The following RELT variants were observed in gnomAD, a reference collection of about 807,000 sequenced individuals.
RELT encodes the protein tumor necrosis factor receptor superfamily member 19L.
RELT carries 37 observed loss-of-function variants against 51.1 expected under a neutral mutation model. The observed-to-expected ratio is 0.72, with a 90% CI of 0.56 to 0.95. The LOEUF (loss-of-function observed/expected upper bound fraction) is 0.95, where lower values mean the gene tolerates loss of function less well. Ranked by LOEUF, RELT falls within the 40% of genes least tolerant of loss-of-function variation. The pLI, the probability that RELT is intolerant of heterozygous loss-of-function variation, is 0.00. For missense variants in RELT, 535 were observed against 572.6 expected (o/e 0.93, Z 0.67); for synonymous variants, 241 against 235.7 (o/e 1.02, Z -0.21).
At position 73,394,693 on chromosome 11, in the gene RELT, G is replaced by C. The variant is rs766188875; in HGVS notation, c.1005G>C (p.Lys335Asn). 6.2e-7 allele frequency: 1 copy of C among 1,613,034 alleles called. No homozygotes were observed. Among genetic ancestry groups the C allele is most frequent in the South Asian group, 1.1e-5 (1 of 91,084 alleles). Residue 335 changes from lysine to asparagine, a missense_variant, in exon 9 of 11, where the codon AAG (lysine) becomes AAC (asparagine). Transcript: ENST00000064780. This position sits in a 1 kb window ranked among gnomAD's most constrained non-coding sequence, Gnocchi z 4.9. Reference protein sequence around the residue: ...NPTRVPKAGAKAGRQGEITIL... With the variant: ...NPTRVPKAGANAGRQGEITIL... ...CCAGGGTTCCCAAGGCCGGGGCCAA[G>C]GCAGGGCGTCAGGGCGAGATCACCA...
At chr11:73,392,679 A>C in intron 6 of RELT, 1 of 1,430,164 alleles carries the variant, frequency 7.0e-7, no homozygotes, top group Middle Eastern at 2.6e-4. Context: ...ACAGCTGGTC[A>C]AGTGGCTTCA....
Position 73,395,491 on chromosome 11 carries a change from AGG to A in RELT, c.*3_*4del. On this transcript the variant is annotated 3_prime_UTR_variant, in exon 11 of 11. Transcript: ENST00000064780. Reference sequence around the variant, plus strand: ...TAAGTGAGAGCAACCTGGTCATCTGAGGGGCGGTCTAGTCTAAGGACACTGCG... The same window carrying A: ...TAAGTGAGAGCAACCTGGTCATCTGAGGCGGTCTAGTCTAAGGACACTGCG... 1 of 789,898 alleles carries A rather than the reference AGG, an allele frequency of 1.3e-6. No individual in the cohort carries two copies. The highest frequency in any genetic ancestry group is 1.3e-5 in the South Asian group (1 of 74,770). 48.9% of individuals were successfully genotyped at this position (789,898 alleles called of 1,614,324 possible).
intron 2 of RELT, 70 bp downstream of exon 2, chr11:73,389,251 G>T: frequency 9.1e-7 from 1 of 1,101,372 alleles, no homozygotes; most frequent in Non-Finnish European, 1.3e-6. Context: ...CAGCAAGAGG[G>T]TGCAGACACT....
At position 73,395,138 on chromosome 11, in the gene RELT, G is replaced by A. The variant is rs767408455; in HGVS notation, c.1098G>A (p.Glu366=). The A allele has an allele frequency of 1.2e-6, 2 of 1,613,692 alleles. No individual in the cohort carries two copies. Among genetic ancestry groups the A allele is most frequent in the South Asian group, 2.2e-5 (2 of 91,086 alleles). ...PEQRTSSMVS[E]VKTITEAGPS... is the part of the protein sequence containing the mutation. ...AGCGGACAAGTTCAATGGTGTCTGA[G>A]GTGAAGACCATCACGGAGGCTGGGC... is the stretch of plus-strand genomic sequence containing the variant. Residue 366 remains glutamate (E), a synonymous_variant, in exon 10 of 11, where the codon GAG becomes GAA. Transcript: ENST00000064780.
intron 1 of RELT, among the ~76,000 whole-genome samples, chr11:73,379,577 A>G (rs768610456): frequency 3.9e-5 from 6 of 152,360 alleles, no homozygotes; most frequent in Non-Finnish European, 7.3e-5. Context: ...TAGGACTCCT[A>G]GAACCTTCAC....
At chr11:73,391,942 T>C in intron 5 of RELT, 1 of 569,282 alleles carries the variant, frequency 1.8e-6, no homozygotes. Flanking sequence ...GTGTGCCATC[T>C]CTTCACCCCC....
chr11:73,382,423 T>C lies in RELT; in HGVS notation c.-26+5924T>C, dbSNP rs181678864. 3.5e-3 allele frequency among the ~76,000 whole-genome samples: 536 copies of C among 152,294 alleles called. 6 individuals are homozygous for C. Among genetic ancestry groups the C allele is most frequent in the African/African-American group, 0.012 (511 of 41,560 alleles). The stretch of plus-strand genomic sequence containing the variant: ...CGGGGCAGGTGGCAAAGGTGGCTTC[T>C]TGGAGGAGGTAGCAGAGCATGAGCC... On this transcript the variant is annotated intron_variant, in intron 1 of 10. Transcript: ENST00000064780.
In RELT at chr11:73,392,332, C is replaced by T. The variant is rs557044920; in HGVS notation, c.489C>T (p.Tyr163=). 6.6e-5 allele frequency: 107 copies of T among 1,613,720 alleles called. No individual in the cohort carries two copies. The South Asian group carries it at 1.0e-3, about 16-fold the overall frequency. The change falls in exon 6 of 11, where the codon TAC becomes TAT. Residue 163 remains tyrosine, a synonymous_variant. Coordinates refer to ENST00000064780, the MANE Select transcript of RELT (RefSeq NM_152222.2). The part of the protein sequence containing the change: ...AGGPEETAAQ[Y]AVIAIVPVFC... Reference sequence around the variant, plus strand: ...GCCCAGAGGAGACAGCCGCCCAGTACGCGGTCATCGCCATCGTCCCTGTCT... The same window carrying T: ...GCCCAGAGGAGACAGCCGCCCAGTATGCGGTCATCGCCATCGTCCCTGTCT...
chr11:73,391,840 C>T (rs931736609), intron 5 of RELT: 15 of 378,538 alleles, frequency 4.0e-5, no homozygotes, highest in South Asian at 9.4e-5. Flanking sequence ...CACCTCCTCC[C>T]GCCACTGAGT....
Position 73,394,096 on chromosome 11 carries a change from G to A in RELT, c.707-140G>A. ...ACACCTCTGCCTCCCATTCTTGCCT[G>A]ATGAAGTGGGAGGAAAAGGCGCACA... On this transcript the variant is annotated intron_variant, in intron 7 of 10. Coordinates refer to ENST00000064780, the MANE Select transcript of RELT (RefSeq NM_152222.2). This position sits in a 1 kb window ranked among gnomAD's most constrained non-coding sequence, Gnocchi z 4.9. 1.0e-6 allele frequency: 1 copy of A among 977,886 alleles called. No homozygotes were observed. The highest frequency in any genetic ancestry group is 1.6e-6 in the Non-Finnish European group (1 of 639,466). 60.6% of individuals were successfully genotyped at this position (977,886 alleles called of 1,614,324 possible). A position where few individuals can be genotyped will look rare whatever the true frequency, so the allele number is the denominator to read the frequency against.
intron 5 of RELT, 22 bp from the exon 6 acceptor site, chr11:73,392,189 C>T: frequency 5.0e-6 from 8 of 1,608,068 alleles, no homozygotes; most frequent in Non-Finnish European, 6.8e-6. Context: ...TTTGTCCTGC[C>T]TCCATCGTCT....
chr11:73,394,270 G>C lies in RELT; in HGVS notation c.741G>C (p.Glu247Asp). The change falls in exon 8 of 11, where the codon GAG becomes GAC. Residue 247 changes from glutamate to aspartate, a missense_variant. Coordinates refer to ENST00000064780, the MANE Select transcript of RELT (RefSeq NM_152222.2). The surrounding 1 kb of genome is among the most constrained non-coding windows in gnomAD (Gnocchi z 4.9). ...CGGCCCTGGAGGAGCTGCTGAAAGA[G>C]TACCACAGCAAACAGCTGGTGCAGA... ...NAAALEELLK[E>D]YHSKQLVQTS... The C allele has an allele frequency of 6.2e-7, 1 of 1,611,940 alleles. No homozygotes were observed. Among genetic ancestry groups the C allele is most frequent in the South Asian group, 1.1e-5 (1 of 90,866 alleles).
At chr11:73,393,730 C>G (rs1211092961) in intron 6 of RELT, 107 bp from the exon 7 acceptor site, 1 of 1,563,100 alleles carries the variant, frequency 6.4e-7, no homozygotes, top group South Asian at 1.1e-5. Context: ...TGCACATGCT[C>G]AGGGCCCTTA....
At chr11:73,389,929 G>A (rs1866183865) in intron 2 of RELT, among the ~76,000 whole-genome samples, 1 of 152,222 alleles carries the variant, frequency 6.6e-6, no homozygotes, top group Admixed American at 6.5e-5. Context: ...GGGAAGCAGA[G>A]AGAACTCCTA....
intron 5 of RELT, among the ~76,000 whole-genome samples, chr11:73,391,618 C>A (rs1245024446): frequency 6.6e-6 from 1 of 152,112 alleles, no homozygotes; most frequent in East Asian, 1.9e-4. Flanking sequence ...CATAGCAAGA[C>A]CCTGTCTGCA....
rs183341439 is a variant in RELT, at chr11:73,390,584, A to G, written c.79A>G (p.Thr27Ala). Reference protein sequence around the residue: ...LPWPLATLTSTTLWQCPPGEE... With the variant: ...LPWPLATLTSATLWQCPPGEE... Reference sequence around the variant, plus strand: ...CTGGCCTCTCGCCACCCTGACATCAACAACCCTTTGGCAGTGCCCACCTGG... The same window carrying G: ...CTGGCCTCTCGCCACCCTGACATCAGCAACCCTTTGGCAGTGCCCACCTGG... Residue 27 changes from threonine (T) to alanine (A), a missense_variant, in exon 3 of 11, where the codon ACA (threonine) becomes GCA (alanine). Thr to Ala is a moderately conservative substitution (Grantham distance 58). Transcript: ENST00000064780. 132 of 1,613,990 alleles carry G rather than the reference A, an allele frequency of 8.2e-5. No individual in the cohort carries two copies. The highest frequency in any genetic ancestry group is 4.9e-4 in the Middle Eastern group (3 of 6,062).
chr11:73,383,206 G>T (rs1866075472), intron 1 of RELT, among the ~76,000 whole-genome samples: 1 of 152,184 alleles, frequency 6.6e-6, no homozygotes, highest in South Asian at 2.1e-4. Flanking sequence ...GTGGGAGGGG[G>T]CAGGAGTGGA....
At position 73,393,928 on chromosome 11, in the gene RELT, G is replaced by T. The variant is rs911208606; in HGVS notation, c.706+11G>T. ...TCACAGAGAAGAAAGGTGAGGAGAA[G>T]GTCTGACCCCATCCCAGTGCCCAGG... On this transcript the variant is annotated intron_variant, in intron 7 of 10. Coordinates refer to ENST00000064780, the MANE Select transcript of RELT (RefSeq NM_152222.2). 3.7e-6 allele frequency: 6 copies of T among 1,612,702 alleles called. No homozygotes were observed. The highest frequency in any genetic ancestry group is 3.3e-5 in the Admixed American group (2 of 59,996).
rs1333849959 is a variant in RELT, at chr11:73,395,206, C to T, written c.1166C>T (p.Pro389Leu). ...CCTGACTCCCCACAGCCTGGCCTCC[C>T]CCCTGAGCAGCAGGCCCTGCTAGGA... ...DLPDSPQPGL[P>L]PEQQALLGSG... is the part of the protein sequence containing the mutation. Residue 389 changes from proline to leucine, a missense_variant, in exon 10 of 11, where the codon CCC becomes CTC. Transcript: ENST00000064780. 12 of 1,613,276 alleles carry T rather than the reference C, an allele frequency of 7.4e-6. No individual in the cohort carries two copies. The highest frequency in any genetic ancestry group is 9.3e-6 in the Non-Finnish European group (11 of 1,179,950).
Sources: gnomAD v4.1 joint callset for allele counts (sites outside exome capture counted in the v4.1 genomes callset) on GRCh38, gnomAD v4.1.1 for gene constraint, Gnocchi (gnomAD v3.1) non-coding constraint, MANE v1.5 for transcripts, NCBI Gene and HGNC (gene_info 2026-07-23, HGNC 2026-07-21) for gene names.